The following CENPP variants were observed in gnomAD, a reference collection of about 807,000 sequenced individuals.
CENPP encodes centromere protein P.
In CENPP, 24 loss-of-function variants were observed where a neutral mutation model predicts 35.6. The observed-to-expected ratio is 0.67, with a 90% CI of 0.49 to 0.95. The LOEUF (loss-of-function observed/expected upper bound fraction) is 0.95. Ranked by LOEUF, CENPP falls within the 40% of genes least tolerant of loss-of-function variation. CENPP has a pLI of 0.00. For synonymous variants in CENPP, 120 were observed against 125.5 expected, an observed-to-expected ratio of 0.96 and a Z score of 0.29; for missense variants, 332 against 345.3, an observed-to-expected ratio of 0.96 and a Z score of 0.31.
At position 92,457,523 on chromosome 9, in the gene CENPP, C is replaced by G. The variant is rs778107184; in HGVS notation, c.564+77664C>G. On this transcript the variant is annotated intron_variant, in intron 5 of 7. Transcript: ENST00000375587. ...GAAAAAAGAAAGGATTAAAAATACC[C>G]AGTAAATGTAAACGGAAGATACTCT... 5 of 1,449,184 alleles carry G rather than the reference C, an allele frequency of 3.5e-6. No individual in the cohort carries two copies. In the African/African-American group the frequency reaches 7.0e-5, roughly 20 times the overall value. The allele number at this position is 1,449,184 out of a possible 1,614,324, so 89.8% of individuals were successfully genotyped here.
In CENPP at chr9:92,476,143, T is replaced by C. The variant is rs1207271193; in HGVS notation, c.564+96284T>C. 1.3e-5 allele frequency among the ~76,000 whole-genome samples: 2 copies of C among 152,162 alleles called. No homozygotes were observed. The highest frequency in any genetic ancestry group is 2.1e-4 in the South Asian group (1 of 4,826). Reference sequence around the variant, plus strand: ...CGCAGACCCTAATAGTCCACCAGGCTACAGTCACCTAAATAGTCCTCCAGG... The same window carrying C: ...CGCAGACCCTAATAGTCCACCAGGCCACAGTCACCTAAATAGTCCTCCAGG... On this transcript the variant is annotated intron_variant, in intron 5 of 7. Coordinates refer to ENST00000375587, the MANE Select transcript of CENPP (RefSeq NM_001012267.3). The surrounding 1 kb of genome is among the most constrained non-coding windows in gnomAD (Gnocchi z 4.1).
intron 5 of CENPP, among the ~76,000 whole-genome samples, chr9:92,538,491 A>G (rs1849241911): frequency 6.6e-6 from 1 of 152,222 alleles, no homozygotes; most frequent in South Asian, 2.1e-4. Flanking sequence ...ACTTAAAAAG[A>G]ATACAAACAA....
At chr9:92,495,813 TTA>T in intron 5 of CENPP, 5 of 956,534 alleles carry the variant, frequency 5.2e-6, no homozygotes, top group Non-Finnish European at 6.2e-6. Context: ...TCAGTTATAT[TTA>T]TACCAGTAAT....
At chr9:92,373,664 A>G (rs1286893928) in intron 4 of CENPP, among the ~76,000 whole-genome samples, 1 of 152,082 alleles carries the variant, frequency 6.6e-6, no homozygotes, top group Non-Finnish European at 1.5e-5. Flanking sequence ...CGTCTCTACT[A>G]AAAATACAAA....
At chr9:92,570,007 A>G (rs1850093542) in intron 5 of CENPP, among the ~76,000 whole-genome samples, 1 of 152,328 alleles carries the variant, frequency 6.6e-6, no homozygotes, top group Middle Eastern at 3.4e-3. Flanking sequence ...TTCTAAATAT[A>G]AAATCATGTC....
intron 4 of CENPP, among the ~76,000 whole-genome samples, chr9:92,354,850 G>A (rs1250182119): frequency 6.6e-6 from 1 of 152,088 alleles, no homozygotes; most frequent in East Asian, 1.9e-4. Flanking sequence ...CAGCTGGGCC[G>A]CTGGGGGTGA....
chr9:92,383,337 T>C (rs567823350), intron 5 of CENPP, among the ~76,000 whole-genome samples: 1 of 152,322 alleles, frequency 6.6e-6, no homozygotes, highest in South Asian at 2.1e-4. Flanking sequence ...TGTGAAAGCA[T>C]CATTGAGATT....
chr9:92,448,325 G>A (rs1327539885), intron 5 of CENPP, among the ~76,000 whole-genome samples: 3 of 150,984 alleles, frequency 2.0e-5, no homozygotes, highest in South Asian at 2.1e-4. Context: ...GCTGGTGTGC[G>A]GTGGCATGAT....
chr9:92,601,863 GCA>G (rs1043384721), intron 5 of CENPP, among the ~76,000 whole-genome samples: 5 of 152,160 alleles, frequency 3.3e-5, no homozygotes, highest in Admixed American at 2.0e-4. Context: ...ATATGGGTGT[GCA>G]CAGACAGGGG....
intron 5 of CENPP, among the ~76,000 whole-genome samples, chr9:92,597,782 G>A (rs1381377373): frequency 1.3e-5 from 2 of 152,188 alleles, no homozygotes; most frequent in African/African-American, 2.4e-5. Flanking sequence ...AACTTTCAGT[G>A]ATAATCTTAA....
chr9:92,325,987 C>T lies in CENPP; in HGVS notation c.-12C>T, dbSNP rs781297566. On this transcript the variant is annotated 5_prime_UTR_variant, in exon 1 of 8. Transcript: ENST00000375587. ...GCTGCGCTGCCGGCCCGGCTGCGGT[C>T]AGCAACGCGCCATGGACGCAGAGCT... is the stretch of plus-strand genomic sequence containing the variant. The T allele has an allele frequency of 4.5e-6, 7 of 1,547,750 alleles. No individual in the cohort carries two copies.
At chr9:92,603,082 C>G (rs1004435212) in intron 5 of CENPP, among the ~76,000 whole-genome samples, 1 of 152,210 alleles carries the variant, frequency 6.6e-6, no homozygotes, top group Admixed American at 6.5e-5. Context: ...AGCCACCACA[C>G]CCAGCCTCAA....
At chr9:92,393,257 T>TA in intron 5 of CENPP, 2 of 1,563,678 alleles carry the variant, frequency 1.3e-6, no homozygotes, top group Non-Finnish European at 1.7e-6. Context: ...AAATTGGGAA[T>TA]AAAATCATAA....
Position 92,619,383 on chromosome 9 carries a change from G to C in CENPP, c.*6234G>C, listed in dbSNP as rs530164136. 66 of 894,330 alleles carry C rather than the reference G, an allele frequency of 7.4e-5. 1 individual carries two copies. In the South Asian group the frequency reaches 9.2e-4, roughly 12 times the overall value. The allele number at this position is 894,330 out of a possible 1,614,324, so 55.4% of individuals were successfully genotyped here. A position where few individuals can be genotyped will look rare whatever the true frequency, so the allele number is the denominator to read the frequency against. ...AAGGAAGTTATGTCACTCCGCCATG[G>C]AGTCTCTAAATATGGGGAAACCAAC... On this transcript the variant is annotated 3_prime_UTR_variant, in exon 8 of 8. Transcript: ENST00000375587.
intron 5 of CENPP, among the ~76,000 whole-genome samples, chr9:92,398,295 C>A (rs541677420): frequency 3.1e-4 from 47 of 152,196 alleles, no homozygotes; most frequent in African/African-American, 1.1e-3. Flanking sequence ...AATTTGGGTT[C>A]TTTTTACCTT....
rs958952552 is a variant in CENPP at position 92,403,640 on chromosome 9, T to C, written c.564+23781T>C. 9.4e-6 allele frequency: 11 copies of C among 1,171,380 alleles called. No individual in the cohort carries two copies. In the African/African-American group the frequency reaches 1.6e-4, roughly 17 times the overall value. The allele number at this position is 1,171,380 out of a possible 1,614,324, so 72.6% of individuals were successfully genotyped here. Reference sequence around the variant, plus strand: ...ATGTATCAGTGAACATTCTGAAAAATAGTTTTGGAAAATAGTTTTACTTCT... The same window carrying C: ...ATGTATCAGTGAACATTCTGAAAAACAGTTTTGGAAAATAGTTTTACTTCT... On this transcript the variant is annotated intron_variant, in intron 5 of 7. Transcript: ENST00000375587.
rs535960836 is a variant in CENPP, at chr9:92,613,257, G to A, written c.*108G>A. 2.6e-4 allele frequency: 340 copies of A among 1,330,714 alleles called. No individual in the cohort carries two copies. In the African/African-American group the frequency reaches 4.3e-3, roughly 17 times the overall value. 82.4% of individuals were successfully genotyped at this position (1,330,714 alleles called of 1,614,324 possible). ...TGCTTAGAAACCACACCCTGAAGAC[G>A]TGCTGTCTATGCAGTTATGGCACAT... is the stretch of plus-strand genomic sequence containing the variant. On this transcript the variant is annotated 3_prime_UTR_variant, in exon 8 of 8. Transcript: ENST00000375587.
chr9:92,407,931 CA>C (rs1272797796), intron 5 of CENPP, among the ~76,000 whole-genome samples: 2 of 152,070 alleles, frequency 1.3e-5, no homozygotes, highest in African/African-American at 4.8e-5. Flanking sequence ...TTTATTTCCT[CA>C]AAAGTGTACC....
Position 92,613,442 on chromosome 9 carries a change from C to A in CENPP, c.*293C>A, listed in dbSNP as rs890649315. 1 of 332,062 alleles carries A rather than the reference C, an allele frequency of 3.0e-6. No individual in the cohort carries two copies. The highest frequency in any genetic ancestry group is 2.9e-5 in the South Asian group (1 of 35,086). The allele number at this position is 332,062 out of a possible 1,614,324, so 20.6% of individuals were successfully genotyped here. Reference sequence around the variant, plus strand: ...CCTCAGATGTGTGGGGAGGATCCATCCCCCACCCACTGCAGCCTCACACCG... The same window carrying A: ...CCTCAGATGTGTGGGGAGGATCCATACCCCACCCACTGCAGCCTCACACCG... On this transcript the variant is annotated 3_prime_UTR_variant, in exon 8 of 8. Coordinates refer to ENST00000375587, the MANE Select transcript of CENPP (RefSeq NM_001012267.3).
Sources: allele counts gnomAD v4.1 joint callset (sites outside exome capture counted in the v4.1 genomes callset), GRCh38; gene constraint gnomAD v4.1.1; non-coding constraint Gnocchi (gnomAD v3.1); transcripts MANE v1.5; gene names NCBI Gene and HGNC (gene_info 2026-07-23, HGNC 2026-07-21).